Variants in MTPAP observed in about 807,000 individuals in gnomAD.
MTPAP encodes mitochondrial poly(A) polymerase.
A neutral mutation model predicts 48.7 loss-of-function variants in MTPAP; 23 were observed. That is an observed-to-expected ratio of 0.47 (90% confidence interval 0.34 to 0.67). The LOEUF (loss-of-function observed/expected upper bound fraction) is 0.67, where lower values mean the gene tolerates loss of function less well. Among genes scored for constraint, MTPAP ranks in the 30% least tolerant of loss-of-function variants. The probability of loss-of-function intolerance (pLI) is 0.01; values close to 1 mark genes in which losing one functional copy is unlikely to be tolerated. For synonymous variants in MTPAP, 257 were observed against 254.1 expected (o/e 1.01, Z -0.11); for missense variants, 614 against 694.3 (o/e 0.88, Z 1.30).
chr10:30,314,017 GC>G, intron 8 of MTPAP, 46 bp from the exon 9 acceptor site: 1 of 1,589,050 alleles, frequency 6.3e-7, no homozygotes, highest in Non-Finnish European at 8.6e-7. Flanking sequence ...TACATGAAGG[GC>G]TTAAATATAA....
intron 1 of MTPAP, chr10:30,348,870 A>T: frequency 3.7e-6 from 2 of 547,700 alleles, no homozygotes; most frequent in Admixed American, 6.5e-5. Context: ...AATTTCATGG[A>T]AGTCTAAACA....
chr10:30,342,218 A>G (rs898709623), intron 1 of MTPAP, among the ~76,000 whole-genome samples: 1 of 152,226 alleles, frequency 6.6e-6, no homozygotes, highest in Non-Finnish European at 1.5e-5. Flanking sequence ...CCTGGGCAAC[A>G]GAGCGAGACT....
chr10:30,316,328 C>G (rs551559239), intron 6 of MTPAP, 118 bp from the exon 7 acceptor site: 1 of 786,260 alleles, frequency 1.3e-6, no homozygotes. Flanking sequence ...ATGCAGCCTC[C>G]ACCTCCCAGG....
At chr10:30,327,923 G>A (rs1477444891) in intron 4 of MTPAP, among the ~76,000 whole-genome samples, 1 of 150,924 alleles carries the variant, frequency 6.6e-6, no homozygotes, top group South Asian at 2.1e-4. Flanking sequence ...TAAAGTACCA[G>A]AAGACAATGA....
chr10:30,310,581 CAA>C lies in MTPAP; in HGVS notation c.*3026_*3027del, dbSNP rs11310410. On this transcript the variant is annotated 3_prime_UTR_variant, in exon 9 of 9. Coordinates refer to ENST00000263063, the MANE Select transcript of MTPAP (RefSeq NM_018109.4). ...CTGGGTGACAGAGGGAGACCCATCT[CAA>C]AAAAAAAAAAAAAAAAGGGTCTTTG... 0.031 allele frequency: 3,140 copies of C among 102,644 alleles called. 112 individuals carry two copies. The highest frequency in any genetic ancestry group is 0.1 in the African/African-American group (2,814 of 26,906). 6.4% of individuals were successfully genotyped at this position (102,644 alleles called of 1,614,324 possible).
rs775347072 is a variant in MTPAP, at chr10:30,315,975, T to C, written c.1374A>G (p.Ile458Met). 2 of 1,597,008 alleles carry C rather than the reference T, an allele frequency of 1.3e-6. No individual in the cohort carries two copies. Reference sequence around the variant, plus strand: ...AAACATTATTTACCTGTCGAATATTTATGGAATTTTTATCGAAAGCAAAAT... The same window carrying C: ...AAACATTATTTACCTGTCGAATATTCATGGAATTTTTATCGAAAGCAAAAT... The part of the protein sequence containing the change: ...FGNFAFDKNS[I>M]NIRQGREQNK... Residue 458 changes from isoleucine to methionine, a missense_variant, in exon 8 of 9, where the codon ATA becomes ATG. This residue lies in a region of MTPAP where 261 missense variants were observed against 355.4 expected (regional missense o/e 0.73). Transcript: ENST00000263063.
chr10:30,321,375 T>A (rs1213557456), intron 6 of MTPAP, among the ~76,000 whole-genome samples: 4 of 152,234 alleles, frequency 2.6e-5, no homozygotes, highest in African/African-American at 9.6e-5. Flanking sequence ...AAGCTTTTTT[T>A]AAGGTCAATT....
chr10:30,328,168 C>CAA (rs1420719075), intron 4 of MTPAP, among the ~76,000 whole-genome samples: 1 of 151,840 alleles, frequency 6.6e-6, no homozygotes, highest in African/African-American at 2.4e-5. Flanking sequence ...GCAAAAAAGA[C>CAA]AAAAAAATTC....
intron 6 of MTPAP, among the ~76,000 whole-genome samples, chr10:30,317,051 G>A (rs1286526419): frequency 6.6e-6 from 1 of 150,624 alleles, no homozygotes; most frequent in Non-Finnish European, 1.5e-5. Context: ...TTTCACTATG[G>A]CATAACTAAT....
chr10:30,331,816 CT>C (rs1227512989), intron 4 of MTPAP, among the ~76,000 whole-genome samples: 2 of 152,256 alleles, frequency 1.3e-5, no homozygotes, highest in Non-Finnish European at 2.9e-5. Context: ...ATCCGCCCAC[CT>C]TGGCCTCCCA....
At chr10:30,345,182 TA>T (rs1165995272) in intron 1 of MTPAP, among the ~76,000 whole-genome samples, 1 of 152,232 alleles carries the variant, frequency 6.6e-6, no homozygotes, top group Non-Finnish European at 1.5e-5. Context: ...ACTGAAATCT[TA>T]CTATATATTC....
intron 4 of MTPAP, 60 bp from the exon 5 acceptor site, chr10:30,326,695 A>C (rs1166990039): frequency 7.5e-7 from 1 of 1,333,958 alleles, no homozygotes; most frequent in East Asian, 2.3e-5. Context: ...TTTTTTAATA[A>C]GCTTTTGTAA....
At chr10:30,329,913 A>G (rs201754878) in intron 4 of MTPAP, among the ~76,000 whole-genome samples, 24 of 114,372 alleles carry the variant, frequency 2.1e-4, no homozygotes, top group Admixed American at 6.7e-4. Flanking sequence ...CTAATGGGGG[A>G]AAAAAAATGA....
rs1404088345 is a variant in MTPAP at position 30,311,149 on chromosome 10, T to C, written c.*2460A>G. On this transcript the variant is annotated 3_prime_UTR_variant, in exon 9 of 9. Transcript: ENST00000263063. The stretch of plus-strand genomic sequence containing the variant: ...AAAATTTCATTTAGAAACCCTTAAG[T>C]GGTTTATGCTTTTTAAGCTTTTTAA... 1 of 152,162 alleles carries C rather than the reference T, an allele frequency of 6.6e-6. No homozygotes were observed. The highest frequency in any genetic ancestry group is 1.5e-5 in the Non-Finnish European group (1 of 68,026). 9.4% of individuals were successfully genotyped at this position (152,162 alleles called of 1,614,324 possible). A position where few individuals can be genotyped will look rare whatever the true frequency, so the allele number is the denominator to read the frequency against.
chr10:30,331,768 C>T (rs1449861773), intron 4 of MTPAP, among the ~76,000 whole-genome samples: 2 of 152,202 alleles, frequency 1.3e-5, no homozygotes, highest in Non-Finnish European at 2.9e-5. Context: ...GGTTTCACCA[C>T]ATTGGCCAGG....
At chr10:30,321,407 A>G (rs763979782) in intron 6 of MTPAP, among the ~76,000 whole-genome samples, 30 of 152,240 alleles carry the variant, frequency 2.0e-4, no homozygotes, top group Non-Finnish European at 2.9e-5. Context: ...CAACACTTAC[A>G]GTGTTAACAG....
intron 3 of MTPAP, among the ~76,000 whole-genome samples, chr10:30,337,482 T>C (rs181312952): frequency 2.8e-4 from 42 of 152,258 alleles, no homozygotes; most frequent in African/African-American, 9.4e-4. Flanking sequence ...CTCATGCCTG[T>C]AATCTCAATA....
chr10:30,331,284 A>G (rs1244416622), intron 4 of MTPAP, among the ~76,000 whole-genome samples: 1 of 152,248 alleles, frequency 6.6e-6, no homozygotes, highest in African/African-American at 2.4e-5. Context: ...AAATCATCTA[A>G]TAAAGAAAAA....
chr10:30,327,845 C>CA (rs71525585), intron 4 of MTPAP, among the ~76,000 whole-genome samples: 12,933 of 83,838 alleles, frequency 0.15, 779 homozygotes, highest in South Asian at 0.19. Flanking sequence ...GACTCCATCT[C>CA]AAAAAAAAAA....
Sources: allele counts gnomAD v4.1 joint callset (sites outside exome capture counted in the v4.1 genomes callset), GRCh38; gene constraint gnomAD v4.1.1; regional missense constraint gnomAD v4.1.1; transcripts MANE v1.5; gene names NCBI Gene and HGNC (gene_info 2026-07-23, HGNC 2026-07-21).